The following ISY1 variants were observed in gnomAD, a reference collection of about 807,000 sequenced individuals.
ISY1 encodes pre-mRNA-splicing factor ISY1 homolog.
A neutral mutation model predicts 54.4 loss-of-function variants in ISY1; 12 were observed. The ratio of observed to expected loss-of-function variants is 0.22; its 90% confidence interval spans 0.14 to 0.36. ISY1 has a LOEUF of 0.36. ISY1 is among the 10% of genes least tolerant of loss of function. The pLI is 1.00. For synonymous variants in ISY1, 96 were observed against 117.9 expected (o/e 0.81, Z 1.20); for missense variants, 282 against 342.2 (o/e 0.82, Z 1.39).
intron 6 of ISY1, among the ~76,000 whole-genome samples, chr3:129,141,081 G>A (rs1330224334): frequency 1.3e-5 from 2 of 149,954 alleles, no homozygotes; most frequent in Non-Finnish European, 3.0e-5. Context: ...AGACATGCCT[G>A]TAATCCCAGC....
At chr3:129,153,579 C>T (rs958392093) in intron 5 of ISY1, among the ~76,000 whole-genome samples, 1 of 151,568 alleles carries the variant, frequency 6.6e-6, no homozygotes, top group African/African-American at 2.4e-5. Flanking sequence ...GTCAGGAGAT[C>T]GAGACCATCC....
Position 129,160,918 on chromosome 3 carries a change from G to GGCCCGGGGGGGGGGGGGGCCCCCCCC in ISY1, c.3+54_3+55insGGGGGGGGCCCCCCCCCCCCCCGGGC. ...AATGAGCGCCCCAGGTGGACTGGGC[G>GGCCCGGGGGGGGGGGGGGCCCCCCCC]CCCCCCCGCCCGCCCGCCCATCCAC... On this transcript the variant is annotated intron_variant, in intron 1 of 10. Transcript: ENST00000393295. The GGCCCGGGGGGGGGGGGGGCCCCCCCC allele has an allele frequency of 4.5e-6, 3 of 666,128 alleles. 1 individual carries two copies. Among genetic ancestry groups the GGCCCGGGGGGGGGGGGGGCCCCCCCC allele is most frequent in the Non-Finnish European group, 8.2e-6 (3 of 364,544 alleles). 41.3% of individuals were successfully genotyped at this position (666,128 alleles called of 1,614,324 possible).
At chr3:129,150,311 T>C (rs1936926794) in intron 5 of ISY1, among the ~76,000 whole-genome samples, 1 of 152,222 alleles carries the variant, frequency 6.6e-6, no homozygotes, top group Non-Finnish European at 1.5e-5. Flanking sequence ...AGTCTTCCCA[T>C]ACAACAGCAC....
chr3:129,149,909 C>A (rs187226769), intron 5 of ISY1, among the ~76,000 whole-genome samples: 1 of 149,040 alleles, frequency 6.7e-6, no homozygotes, highest in Non-Finnish European at 1.5e-5. Context: ...AAGAGGTGGA[C>A]GCTGCAGTGA....
chr3:129,140,276 TAAGAA>T, intron 7 of ISY1, 87 bp downstream of exon 7: 5 of 1,161,112 alleles, frequency 4.3e-6, no homozygotes, highest in Non-Finnish European at 4.9e-6. Context: ...GTTATGCAAC[TAAGAA>T]AAAAAAGTAA....
rs1041147461 is a variant in ISY1 at position 129,127,490 on chromosome 3, A to G, written c.*2591T>C. ...TTGGTTCTGTCACCTCGGAGCCACA[A>G]GCTGGGAAAAGATAACCACACCCAC... is the stretch of plus-strand genomic sequence containing the variant. On this transcript the variant is annotated 3_prime_UTR_variant, in exon 11 of 11. Transcript: ENST00000393295. 6.6e-6 allele frequency: 1 copy of G among 152,210 alleles called. No homozygotes were observed. The highest frequency in any genetic ancestry group is 2.4e-5 in the African/African-American group (1 of 41,438). 9.4% of individuals were successfully genotyped at this position (152,210 alleles called of 1,614,324 possible).
chr3:129,158,940 T>C (rs1937222697), intron 2 of ISY1, among the ~76,000 whole-genome samples: 1 of 152,180 alleles, frequency 6.6e-6, no homozygotes, highest in African/African-American at 2.4e-5. Flanking sequence ...GTTCATCCAG[T>C]GTTTAAGTTC....
At chr3:129,135,022 T>C (rs1172957118) in intron 7 of ISY1, 68 bp from the exon 8 acceptor site, 7 of 1,529,922 alleles carry the variant, frequency 4.6e-6, no homozygotes, top group Non-Finnish European at 6.2e-6. Flanking sequence ...TGTCTCCTGA[T>C]GCAACGCTAT....
intron 7 of ISY1, among the ~76,000 whole-genome samples, chr3:129,135,778 A>AG (rs1936378379): frequency 6.6e-6 from 1 of 151,740 alleles, no homozygotes; most frequent in Non-Finnish European, 1.5e-5. Flanking sequence ...AAAAAAAAAA[A>AG]CAAAAACCAA....
chr3:129,133,292 T>G (rs754837369), intron 9 of ISY1, among the ~76,000 whole-genome samples: 5 of 152,198 alleles, frequency 3.3e-5, no homozygotes, highest in Admixed American at 3.3e-4. Flanking sequence ...TCAGAAAATA[T>G]GCAAAAGATC....
intron 6 of ISY1, among the ~76,000 whole-genome samples, chr3:129,142,096 T>C (rs1006189201): frequency 1.3e-5 from 2 of 151,796 alleles, no homozygotes; most frequent in South Asian, 4.2e-4. Flanking sequence ...TTCCAGCTAC[T>C]TGGGAGGCTG....
rs190104384 is a variant in ISY1, at chr3:129,156,348, G to A, written c.187+285C>T. The stretch of plus-strand genomic sequence containing the variant: ...CAGGAGGCTGAGCTTGCAGTGAGCC[G>A]AGATCGCACCACTGCACTCCAGCCT... On this transcript the variant is annotated intron_variant, in intron 5 of 10. Coordinates refer to ENST00000393295, the MANE Select transcript of ISY1 (RefSeq NM_020701.4). Among the ~76,000 whole-genome samples, 178 of 145,080 alleles carry A rather than the reference G, an allele frequency of 1.2e-3. 3 individuals carry two copies. The East Asian group carries it at 0.021, about 17-fold the overall frequency.
chr3:129,130,716 T>G, intron 9 of ISY1, 80 bp from the exon 10 acceptor site: 1 of 1,445,820 alleles, frequency 6.9e-7, no homozygotes, highest in South Asian at 1.3e-5. Flanking sequence ...CACACTACTC[T>G]GCAACTATTT....
chr3:129,129,821 C>A lies in ISY1; in HGVS notation c.*260G>T. ...AATGGCAGTGCAAGTCAAAATAAGA[C>A]ACAGGCAGCCAGTTCGCAACCTGTT... On this transcript the variant is annotated 3_prime_UTR_variant, in exon 11 of 11. Transcript: ENST00000393295. 1 of 341,586 alleles carries A rather than the reference C, an allele frequency of 2.9e-6. No individual in the cohort carries two copies. 21.2% of individuals were successfully genotyped at this position (341,586 alleles called of 1,614,324 possible). A position where few individuals can be genotyped will look rare whatever the true frequency, so the allele number is the denominator to read the frequency against.
intron 5 of ISY1, among the ~76,000 whole-genome samples, chr3:129,147,105 T>C (rs1936787279): frequency 2.0e-5 from 3 of 148,226 alleles, no homozygotes; most frequent in South Asian, 4.2e-4. Flanking sequence ...CTGGGTGCGG[T>C]GGCTCACACC....
intron 9 of ISY1, among the ~76,000 whole-genome samples, chr3:129,133,340 C>A (rs1006727303): frequency 8.5e-5 from 13 of 152,226 alleles, no homozygotes; most frequent in Non-Finnish European, 1.9e-4. Context: ...TGCAAAGATT[C>A]CCCAACCATG....
At chr3:129,134,781 C>A (rs761174210) in intron 8 of ISY1, 51 bp downstream of exon 8, 31 of 1,553,538 alleles carry the variant, frequency 2.0e-5, no homozygotes, top group Non-Finnish European at 2.5e-5. Flanking sequence ...TCAAAGGACA[C>A]AACAGAAAAC....
chr3:129,153,390 C>T (rs1937034154), intron 5 of ISY1, among the ~76,000 whole-genome samples: 1 of 152,188 alleles, frequency 6.6e-6, no homozygotes, highest in African/African-American at 2.4e-5. Context: ...GAATTATTGA[C>T]ACTGTAGTTT....
intron 9 of ISY1, 45 bp from the exon 10 acceptor site, chr3:129,130,681 G>A: frequency 6.2e-7 from 1 of 1,603,740 alleles, no homozygotes; most frequent in African/African-American, 1.3e-5. Flanking sequence ...CGCCCAGCTA[G>A]ATAAATGCTG....
Sources: gnomAD v4.1 joint callset for allele counts (sites outside exome capture counted in the v4.1 genomes callset) on GRCh38, gnomAD v4.1.1 for gene constraint, MANE v1.5 for transcripts, NCBI Gene and HGNC (gene_info 2026-07-23, HGNC 2026-07-21) for gene names.